ZFPM1: variants seen among roughly 807,000 people sequenced by gnomAD.
ZFPM1 encodes the protein zinc finger protein, FOG family member 1, also known as zinc finger protein ZFPM1.
In ZFPM1, 28 loss-of-function variants were observed where a neutral mutation model predicts 46.3. That is an observed-to-expected ratio of 0.60 (90% CI 0.45 to 0.83). The LOEUF (loss-of-function observed/expected upper bound fraction) is 0.83, where lower values mean the gene tolerates loss of function less well. ZFPM1 is among the 40% of genes least tolerant of loss of function. The probability of loss-of-function intolerance (pLI) is 0.00; values close to 1 mark genes in which losing one functional copy is unlikely to be tolerated. For synonymous variants in ZFPM1, 957 were observed against 675.9 expected, an observed-to-expected ratio of 1.42 and a Z score of -6.45; for missense variants, 1,878 against 1,432.4, an observed-to-expected ratio of 1.31 and a Z score of -5.02.
At chr16:88,511,778 G>A (rs1272409800) in intron 3 of ZFPM1, among the ~76,000 whole-genome samples, 1 of 152,186 alleles carries the variant, frequency 6.6e-6, no homozygotes, top group Non-Finnish European at 1.5e-5. Flanking sequence ...GGCACCTGGG[G>A]TGAGCTGGGG....
At chr16:88,479,254 G>A (rs1908818822) in intron 1 of ZFPM1, among the ~76,000 whole-genome samples, 1 of 152,166 alleles carries the variant, frequency 6.6e-6, no homozygotes, top group Non-Finnish European at 1.5e-5. Context: ...TGATGGCGGG[G>A]CTGGGCTGCT....
At chr16:88,491,061 GCGC>G (rs1909543261) in intron 3 of ZFPM1, among the ~76,000 whole-genome samples, 3 of 152,016 alleles carry the variant, frequency 2.0e-5, no homozygotes, top group Admixed American at 1.3e-4. Context: ...TCTCGGTCAG[GCGC>G]TGGTGCCTTC....
intron 1 of ZFPM1, among the ~76,000 whole-genome samples, chr16:88,483,106 G>A (rs1909031754): frequency 6.6e-6 from 1 of 152,098 alleles, no homozygotes; most frequent in African/African-American, 2.4e-5. Context: ...CTCGCCTGGG[G>A]CTGGCTCCTG....
intron 3 of ZFPM1, among the ~76,000 whole-genome samples, chr16:88,507,151 T>G (rs1910706920): frequency 6.6e-6 from 1 of 152,142 alleles, no homozygotes; most frequent in Non-Finnish European, 1.5e-5. Context: ...GACATGGGTT[T>G]GCGATCAGAG....
chr16:88,511,122 G>A (rs573551867), intron 3 of ZFPM1, among the ~76,000 whole-genome samples: 1 of 152,320 alleles, frequency 6.6e-6, no homozygotes, highest in South Asian at 2.1e-4. Context: ...GGCTGGCAGG[G>A]AAGGACACCA....
Position 88,533,232 on chromosome 16 carries a change from C to A in ZFPM1, c.1274C>A (p.Ser425Ter). 1 of 1,562,442 alleles carries A rather than the reference C, an allele frequency of 6.4e-7. No individual in the cohort carries two copies. Among genetic ancestry groups the A allele is most frequent in the Non-Finnish European group, 8.6e-7 (1 of 1,161,782 alleles). Residue 425 changes from serine to a stop codon, truncating the protein, a stop_gained, in exon 10 of 10, where the codon TCG (serine) becomes TAG (stop). Coordinates refer to ENST00000319555, the MANE Select transcript of ZFPM1 (RefSeq NM_153813.3). LOFTEE classifies it low-confidence loss of function (END_TRUNC). ...GACCTGGGCCTGGCGCCCACCCCATCGCCAGGACTGGACAGAAAGGCCCTG... is the reference window on the plus strand; with the variant it reads ...GACCTGGGCCTGGCGCCCACCCCATAGCCAGGACTGGACAGAAAGGCCCTG... Reference protein sequence around the residue: ...SADLGLAPTPSPGLDRKALAE... With the variant: ...SADLGLAPTP
At chr16:88,527,558 G>A (rs1406535030) in intron 5 of ZFPM1, among the ~76,000 whole-genome samples, 3 of 152,012 alleles carry the variant, frequency 2.0e-5, no homozygotes, top group African/African-American at 7.2e-5. Context: ...GCACCGCAGG[G>A]GACACACAGC....
Position 88,485,121 on chromosome 16 carries a change from C to A in ZFPM1, c.41-818C>A, listed in dbSNP as rs192554788. ...GAGGGAAGTGCACGGGGACTGGGCC[C>A]CTGGGCGGGGCACTGGCAGGTGATG... On this transcript the variant is annotated intron_variant, in intron 1 of 9. Coordinates refer to ENST00000319555, the MANE Select transcript of ZFPM1 (RefSeq NM_153813.3). Among the ~76,000 whole-genome samples the A allele has an allele frequency of 2.6e-5, 4 of 152,306 alleles. No homozygotes were observed. In the East Asian group the frequency reaches 7.7e-4, roughly 29 times the overall value.
chr16:88,520,052 C>T (rs1013753114), intron 4 of ZFPM1, among the ~76,000 whole-genome samples: 2 of 141,230 alleles, frequency 1.4e-5, no homozygotes, highest in Admixed American at 7.1e-5. Flanking sequence ...TGGATGTATG[C>T]ATGAATACAT....
chr16:88,474,641 G>A (rs562819681), intron 1 of ZFPM1, among the ~76,000 whole-genome samples: 1 of 152,124 alleles, frequency 6.6e-6, no homozygotes, highest in Non-Finnish European at 1.5e-5. Context: ...ACAGGTAAAG[G>A]TTAGCCTCTG....
At chr16:88,452,688 G>C (rs1433290732), upstream of ZFPM1, among the ~76,000 whole-genome samples, 1 of 152,288 alleles carries the variant, frequency 6.6e-6, no homozygotes, top group East Asian at 1.9e-4. Flanking sequence ...CGCGCACGTG[G>C]AGCGTGCGGC....
At chr16:88,485,109 G>T (rs377082546) in intron 1 of ZFPM1, among the ~76,000 whole-genome samples, 1 of 152,350 alleles carries the variant, frequency 6.6e-6, no homozygotes, top group African/African-American at 2.4e-5. Flanking sequence ...GGAAGTGCAC[G>T]GGGACTGGGC....
chr16:88,517,168 G>A (rs904252526), intron 4 of ZFPM1, among the ~76,000 whole-genome samples: 3 of 149,938 alleles, frequency 2.0e-5, no homozygotes, highest in East Asian at 4.0e-4. Flanking sequence ...GTAGGTGGAC[G>A]GATGGATGGG....
At position 88,471,543 on chromosome 16, in the gene ZFPM1, A is replaced by G. The variant is rs897114482; in HGVS notation, c.41-14396A>G. On this transcript the variant is annotated intron_variant, in intron 1 of 9. Coordinates refer to ENST00000319555, the MANE Select transcript of ZFPM1 (RefSeq NM_153813.3). This position sits in a 1 kb window ranked among gnomAD's most constrained non-coding sequence, Gnocchi z 4.1. The stretch of plus-strand genomic sequence containing the variant: ...ATAGTGGAGGGGCCAAGACCCCAAG[A>G]TGACCATGGCTGCGGTGGCTCCTGC... Among the ~76,000 whole-genome samples the G allele has an allele frequency of 1.3e-5, 2 of 151,900 alleles. No individual in the cohort carries two copies. The highest frequency in any genetic ancestry group is 2.4e-5 in the African/African-American group (1 of 41,316).
intron 1 of ZFPM1, among the ~76,000 whole-genome samples, chr16:88,467,563 G>A (rs3751674): frequency 0.57 from 86,218 of 152,064 alleles, 26,150 homozygotes; most frequent in Non-Finnish European, 0.68. Context: ...GGTGTAGACC[G>A]CGAGACCTGC....
intron 4 of ZFPM1, among the ~76,000 whole-genome samples, chr16:88,522,375 C>G (rs1308778720): frequency 6.6e-6 from 1 of 152,184 alleles, no homozygotes; most frequent in East Asian, 1.9e-4. Flanking sequence ...CAGCCTCAGC[C>G]TCAGCCTCAG....
intron 5 of ZFPM1, among the ~76,000 whole-genome samples, chr16:88,527,749 A>T (rs1912460325): frequency 6.7e-6 from 1 of 149,950 alleles, no homozygotes; most frequent in South Asian, 2.2e-4. Flanking sequence ...TCCCCTAGTT[A>T]CTCCACCACC....
rs1913031350 is a variant in ZFPM1 at position 88,533,934 on chromosome 16, G to A, written c.1976G>A (p.Gly659Asp). The change falls in exon 10 of 10, where the codon GGC becomes GAC. Residue 659 changes from glycine to aspartate, a missense_variant. Coordinates refer to ENST00000319555, the MANE Select transcript of ZFPM1 (RefSeq NM_153813.3). ...GGAATPEDGA[G>D]GRGSEGSQSP... is the part of the protein sequence containing the mutation. ...GCGGCCACGCCCGAGGACGGCGCGG[G>A]CGGCCGGGGCAGCGAGGGCAGCCAG... 8.0e-7 allele frequency: 1 copy of A among 1,257,472 alleles called. No homozygotes were observed. Among genetic ancestry groups the A allele is most frequent in the East Asian group, 6.1e-5 (1 of 16,268 alleles). 77.9% of individuals were successfully genotyped at this position (1,257,472 alleles called of 1,614,324 possible).
intron 1 of ZFPM1, among the ~76,000 whole-genome samples, chr16:88,478,393 G>T (rs62048967): frequency 3.9e-5 from 6 of 152,242 alleles, no homozygotes; most frequent in Non-Finnish European, 7.3e-5. Flanking sequence ...CACTCTTCCC[G>T]CCTGGGCCTC....
Sources: allele counts gnomAD v4.1 joint callset (sites outside exome capture counted in the v4.1 genomes callset), GRCh38; gene constraint gnomAD v4.1.1; non-coding constraint Gnocchi (gnomAD v3.1); transcripts MANE v1.5; gene names NCBI Gene and HGNC (gene_info 2026-07-23, HGNC 2026-07-21).